Variants in CDH20 observed in about 807,000 individuals in gnomAD.
CDH20 encodes cadherin-20.
Under a neutral mutation model 74.2 loss-of-function variants are expected in CDH20, and 29 were observed. That is an observed-to-expected ratio of 0.39 (90% CI 0.29 to 0.53). The LOEUF (loss-of-function observed/expected upper bound fraction) is 0.53. Ranked by LOEUF, CDH20 falls within the 20% of genes least tolerant of loss-of-function variation. The pLI is 0.69. For missense variants in CDH20, 988 were observed against 1,048.3 expected, an observed-to-expected ratio of 0.94 and a Z score of 0.79; for synonymous variants, 469 against 405.4, an observed-to-expected ratio of 1.16 and a Z score of -1.88.
intron 1 of CDH20, among the ~76,000 whole-genome samples, chr18:61,450,778 A>G (rs1037408390): frequency 3.3e-5 from 5 of 152,066 alleles, no homozygotes; most frequent in Middle Eastern, 3.2e-3. Flanking sequence ...CCACGGCCAT[A>G]TTTCCATTAC....
At chr18:61,433,117 T>C (rs772867468) in intron 1 of CDH20, among the ~76,000 whole-genome samples, 1 of 152,162 alleles carries the variant, frequency 6.6e-6, no homozygotes, top group Non-Finnish European at 1.5e-5. Context: ...AGTTTTCACA[T>C]CTGTAAAATG....
At chr18:61,472,301 G>A (rs897874590) in intron 1 of CDH20, among the ~76,000 whole-genome samples, 8 of 152,014 alleles carry the variant, frequency 5.3e-5, no homozygotes, top group African/African-American at 1.9e-4. Context: ...CCCCCCGAGA[G>A]ACGTGCTCAA....
chr18:61,435,843 T>C (rs1908814507), intron 1 of CDH20, among the ~76,000 whole-genome samples: 1 of 152,066 alleles, frequency 6.6e-6, no homozygotes, highest in South Asian at 2.1e-4. Context: ...ATTCACATAG[T>C]TGTGTAACAA....
chr18:61,551,708 T>C (rs1049800764), intron 11 of CDH20, among the ~76,000 whole-genome samples: 47 of 152,294 alleles, frequency 3.1e-4, no homozygotes, highest in African/African-American at 1.0e-3. Flanking sequence ...TAAGGTGGCA[T>C]TGGGAGTCCT....
chr18:61,490,339 C>T, intron 1 of CDH20, 63 bp from the exon 2 acceptor site: 1 of 509,274 alleles, frequency 2.0e-6, no homozygotes, highest in Non-Finnish European at 3.5e-6. Context: ...TTCTTGAAAA[C>T]TTGCAACCCG....
chr18:61,499,716 A>G (rs903345477), intron 3 of CDH20, among the ~76,000 whole-genome samples: 5 of 152,228 alleles, frequency 3.3e-5, no homozygotes, highest in African/African-American at 7.2e-5. Context: ...TAAGCCTATT[A>G]ATGTTTTTTA....
chr18:61,536,811 C>T (rs894502167), intron 8 of CDH20, among the ~76,000 whole-genome samples, 182 bp downstream of exon 8: 1 of 152,158 alleles, frequency 6.6e-6, no homozygotes, highest in African/African-American at 2.4e-5. Flanking sequence ...CGCTTGTATA[C>T]TTAGTCCTGT....
Position 61,379,131 on chromosome 18 carries a change from A to G in CDH20, c.-153+45304A>G, listed in dbSNP as rs898700236. 1.1e-4 allele frequency among the ~76,000 whole-genome samples: 17 copies of G among 152,276 alleles called. No individual in the cohort carries two copies. In the East Asian group the frequency reaches 3.3e-3, roughly 29 times the overall value. On this transcript the variant is annotated intron_variant, in intron 1 of 11. Transcript: ENST00000262717. ...TGTATCTCTTGAAATGATATATAAA[A>G]ATGATAATGACTCAGATATGGTTAA... is the stretch of plus-strand genomic sequence containing the variant.
At chr18:61,348,647 A>G (rs1473243065) in intron 1 of CDH20, among the ~76,000 whole-genome samples, 2 of 152,214 alleles carry the variant, frequency 1.3e-5, no homozygotes, top group African/African-American at 4.8e-5. Context: ...CGATTATCCA[A>G]TCCACATAGC....
At chr18:61,448,626 G>A (rs866160490) in intron 1 of CDH20, among the ~76,000 whole-genome samples, 1 of 152,114 alleles carries the variant, frequency 6.6e-6, no homozygotes, top group African/African-American at 2.4e-5. Flanking sequence ...CTGAATTGGT[G>A]TTATTGGCCT....
At chr18:61,456,950 C>A (rs1166434136) in intron 1 of CDH20, among the ~76,000 whole-genome samples, 2 of 152,264 alleles carry the variant, frequency 1.3e-5, no homozygotes, top group South Asian at 4.1e-4. Flanking sequence ...AAGGCTCCAC[C>A]TTTATGACCT....
At chr18:61,335,321 CA>C (rs560366944) in intron 1 of CDH20, among the ~76,000 whole-genome samples, 46 of 152,280 alleles carry the variant, frequency 3.0e-4, no homozygotes, top group African/African-American at 1.1e-3. Context: ...CTGTGGTTGC[CA>C]ACTCTTGGCT....
At chr18:61,372,880 A>G (rs1269015644) in intron 1 of CDH20, among the ~76,000 whole-genome samples, 1 of 152,088 alleles carries the variant, frequency 6.6e-6, no homozygotes, top group Non-Finnish European at 1.5e-5. Context: ...CCAGTATATC[A>G]TCAAGTTGTA....
intron 6 of CDH20, among the ~76,000 whole-genome samples, chr18:61,510,980 C>CTTTCTTTT (rs1555681953): frequency 1.2e-4 from 16 of 136,000 alleles, no homozygotes; most frequent in Non-Finnish European, 1.7e-4. Flanking sequence ...TTCTTTCTTT[C>CTTTCTTTT]TTTTTTTTTT....
intron 2 of CDH20, among the ~76,000 whole-genome samples, chr18:61,497,504 G>C (rs1398725777): frequency 2.6e-5 from 4 of 152,174 alleles, no homozygotes; most frequent in Non-Finnish European, 5.9e-5. Context: ...CCAACAGGTT[G>C]TTTTTGCCTC....
chr18:61,504,143 T>C (rs1911480267), intron 5 of CDH20, among the ~76,000 whole-genome samples: 2 of 152,084 alleles, frequency 1.3e-5, no homozygotes, highest in African/African-American at 2.4e-5. Context: ...GTGGAAGCCA[T>C]AGAAACGTTT....
At chr18:61,415,183 G>C (rs1210504919) in intron 1 of CDH20, among the ~76,000 whole-genome samples, 1 of 151,858 alleles carries the variant, frequency 6.6e-6, no homozygotes, top group Non-Finnish European at 1.5e-5. Context: ...CATCTAATTA[G>C]CTCCCTATTT....
At chr18:61,402,368 C>A (rs1331302271) in intron 1 of CDH20, among the ~76,000 whole-genome samples, 2 of 152,048 alleles carry the variant, frequency 1.3e-5, no homozygotes, top group African/African-American at 4.8e-5. Flanking sequence ...TATAGGACAA[C>A]ATAGATTTCC....
intron 1 of CDH20, among the ~76,000 whole-genome samples, chr18:61,466,652 A>G (rs888816973): frequency 3.3e-5 from 5 of 152,220 alleles, no homozygotes; most frequent in Admixed American, 6.5e-5. Flanking sequence ...TGAGGTATCT[A>G]TCTAGGGACT....
Sources: gnomAD v4.1 joint callset for allele counts (sites outside exome capture counted in the v4.1 genomes callset) on GRCh38, gnomAD v4.1.1 for gene constraint, MANE v1.5 for transcripts, NCBI Gene and HGNC (gene_info 2026-07-23, HGNC 2026-07-21) for gene names.